LNP1: variants seen among roughly 807,000 people sequenced by gnomAD.
LNP1 encodes the protein leukemia NUP98 fusion partner 1.
In LNP1, 12 loss-of-function variants were observed where a neutral mutation model predicts 14.5. That is an observed-to-expected ratio of 0.83 (90% CI 0.53 to 1.34). The LOEUF is 1.34. Ranked by LOEUF, LNP1 falls within the 40% of genes most tolerant of loss-of-function variation. LNP1 has a pLI of 0.00. For synonymous variants in LNP1, 75 were observed against 71.4 expected, an observed-to-expected ratio of 1.05 and a Z score of -0.26; for missense variants, 198 against 210.9, an observed-to-expected ratio of 0.94 and a Z score of 0.38.
chr3:100,446,765 A>T (rs1351893289), intron 2 of LNP1, among the ~76,000 whole-genome samples: 1 of 152,220 alleles, frequency 6.6e-6, no homozygotes, highest in Admixed American at 6.5e-5. Context: ...GAAAAATCCA[A>T]CAACCCCATC....
chr3:100,454,010 C>T (rs1410313945), intron 3 of LNP1, among the ~76,000 whole-genome samples: 1 of 152,130 alleles, frequency 6.6e-6, no homozygotes, highest in African/African-American at 2.4e-5. Context: ...TCTTTCACGA[C>T]ATTAGCTAAT....
At chr3:100,451,971 T>A in intron 3 of LNP1, 22 bp downstream of exon 3, 1 of 1,523,442 alleles carries the variant, frequency 6.6e-7, no homozygotes. Flanking sequence ...AGCTACTGAA[T>A]ATTTAAGCCG....
intron 1 of LNP1, among the ~76,000 whole-genome samples, chr3:100,416,843 C>T (rs749696975): frequency 1.1e-4 from 17 of 151,664 alleles, no homozygotes; most frequent in Non-Finnish European, 1.3e-4. Flanking sequence ...TTTTAAGCCC[C>T]GCATGCATTA....
intron 1 of LNP1, among the ~76,000 whole-genome samples, chr3:100,402,753 T>A (rs965935793): frequency 2.0e-5 from 3 of 152,088 alleles, no homozygotes; most frequent in Non-Finnish European, 4.4e-5. Flanking sequence ...GTTTTTTTTT[T>A]AAACCTTTTT....
chr3:100,412,377 G>T (rs1707039293), intron 1 of LNP1, among the ~76,000 whole-genome samples: 1 of 152,124 alleles, frequency 6.6e-6, no homozygotes, highest in South Asian at 2.1e-4. Flanking sequence ...TGCCACATTT[G>T]GGATGAAATT....
At chr3:100,445,895 A>T (rs1043491231) in intron 2 of LNP1, among the ~76,000 whole-genome samples, 3 of 152,200 alleles carry the variant, frequency 2.0e-5, no homozygotes, top group Non-Finnish European at 2.9e-5. Context: ...CTTACAAGGG[A>T]TGTGAAGGAC....
intron 1 of LNP1, among the ~76,000 whole-genome samples, chr3:100,426,636 A>T (rs1388056325): frequency 1.3e-5 from 2 of 152,228 alleles, no homozygotes; most frequent in Non-Finnish European, 2.9e-5. Flanking sequence ...GCTTTTTAAA[A>T]TTCAAAAGGT....
intron 3 of LNP1, 52 bp from the exon 4 acceptor site, chr3:100,455,725 G>GTGTT: frequency 6.4e-7 from 1 of 1,558,674 alleles, no homozygotes; most frequent in Non-Finnish European, 8.8e-7. Flanking sequence ...GAAATGTGGA[G>GTGTT]TGTTGTCAGC....
In LNP1 at chr3:100,431,583, C is replaced by T. The variant is rs550896977; in HGVS notation, c.156+1698C>T. 3.9e-5 allele frequency among the ~76,000 whole-genome samples: 6 copies of T among 152,256 alleles called. No homozygotes were observed. The South Asian group carries it at 1.2e-3, about 32-fold the overall frequency. On this transcript the variant is annotated intron_variant, in intron 2 of 3. Coordinates refer to ENST00000383693, the MANE Select transcript of LNP1 (RefSeq NM_001085451.2). ...ATCAGAGGAACCAGAGGTCAATGGG[C>T]AGAGTACTGGAAAGTAGTTGGGGAG...
In LNP1 at chr3:100,411,604, G is replaced by A. The variant is rs77529444; in HGVS notation, c.-34+9165G>A. Among the ~76,000 whole-genome samples, 1,359 of 152,304 alleles carry A rather than the reference G, an allele frequency of 8.9e-3. 19 individuals are homozygous for A. Among genetic ancestry groups the A allele is most frequent in the African/African-American group, 0.032 (1,321 of 41,564 alleles). On this transcript the variant is annotated intron_variant, in intron 1 of 3. Coordinates refer to ENST00000383693, the MANE Select transcript of LNP1 (RefSeq NM_001085451.2). ...TTATCATGCTTCTGGAGGCTGGGGA[G>A]TCCCAGATCAAAGTTCAGGTCTGTT...
chr3:100,427,173 G>T (rs751865767), intron 1 of LNP1, among the ~76,000 whole-genome samples: 1 of 151,750 alleles, frequency 6.6e-6, no homozygotes, highest in African/African-American at 2.4e-5. Flanking sequence ...TAACAAAAAC[G>T]TTAAAAGTTT....
chr3:100,409,197 C>T (rs1264066283), intron 1 of LNP1, among the ~76,000 whole-genome samples: 1 of 152,176 alleles, frequency 6.6e-6, no homozygotes, highest in African/African-American at 2.4e-5. Flanking sequence ...GTTCCTTGAG[C>T]TGGGATATTC....
At chr3:100,454,526 TA>T (rs1325743519) in intron 3 of LNP1, among the ~76,000 whole-genome samples, 2 of 152,276 alleles carry the variant, frequency 1.3e-5, no homozygotes, top group East Asian at 3.9e-4. Context: ...TATTTTGACA[TA>T]AAAAAGAACC....
intron 2 of LNP1, among the ~76,000 whole-genome samples, chr3:100,437,610 T>C (rs976435335): frequency 6.6e-6 from 1 of 152,240 alleles, no homozygotes; most frequent in Non-Finnish European, 1.5e-5. Flanking sequence ...TTTTCCCTGA[T>C]AGTGTTTCCA....
At chr3:100,415,565 T>C (rs1029673699) in intron 1 of LNP1, among the ~76,000 whole-genome samples, 5 of 152,206 alleles carry the variant, frequency 3.3e-5, no homozygotes, top group Admixed American at 6.5e-5. Context: ...GAGTATTTTT[T>C]GTGGGTTCCT....
intron 2 of LNP1, among the ~76,000 whole-genome samples, chr3:100,435,014 G>A (rs570400279): frequency 1.6e-4 from 25 of 152,174 alleles, no homozygotes; most frequent in African/African-American, 6.0e-4. Context: ...GGCCCTCTTA[G>A]GGGAGTTCTC....
intron 2 of LNP1, among the ~76,000 whole-genome samples, chr3:100,440,716 CAG>C (rs1707336514): frequency 6.6e-6 from 1 of 152,050 alleles, no homozygotes; most frequent in Non-Finnish European, 1.5e-5. Context: ...TGGGTACTAG[CAG>C]AGAGTAAAAC....
intron 1 of LNP1, among the ~76,000 whole-genome samples, chr3:100,413,458 C>T (rs1411322712): frequency 1.3e-5 from 2 of 152,148 alleles, no homozygotes; most frequent in African/African-American, 2.4e-5. Context: ...ACACTAGTTT[C>T]CTCTCCTTAG....
In LNP1 at chr3:100,443,173, T is replaced by C. The variant is rs78285191; in HGVS notation, c.157-8546T>C. On this transcript the variant is annotated intron_variant, in intron 2 of 3. Coordinates refer to ENST00000383693, the MANE Select transcript of LNP1 (RefSeq NM_001085451.2). ...TTGATGACTCCAAATGAGAAAAACATGGGGAAAAAAAGAAGGAAAAAATGG... is the reference window on the plus strand; with the variant it reads ...TTGATGACTCCAAATGAGAAAAACACGGGGAAAAAAAGAAGGAAAAAATGG... 0.017 allele frequency among the ~76,000 whole-genome samples: 2,568 copies of C among 151,852 alleles called. 266 individuals carry two copies. In the East Asian group the frequency reaches 0.31, roughly 18 times the overall value.
Sources: allele counts gnomAD v4.1 joint callset (sites outside exome capture counted in the v4.1 genomes callset), GRCh38; gene constraint gnomAD v4.1.1; transcripts MANE v1.5; gene names NCBI Gene and HGNC (gene_info 2026-07-23, HGNC 2026-07-21).